SYNE2: variants seen among roughly 807,000 people sequenced by gnomAD.
SYNE2 encodes the protein nesprin-2.
SYNE2 carries 431 observed loss-of-function variants against 856.3 expected under a neutral mutation model. The observed-to-expected ratio is 0.50, with a 90% confidence interval of 0.47 to 0.55. The LOEUF (loss-of-function observed/expected upper bound fraction) is 0.55. SYNE2 is among the 20% of genes least tolerant of loss of function. SYNE2 has a pLI of 0.00. For missense variants in SYNE2, 8,129 were observed against 8,023.2 expected (o/e 1.01, Z -0.50); for synonymous variants, 2,923 against 2,872.3 (o/e 1.02, Z -0.56).
chr14:63,858,229 C>G (rs867538616), intron 1 of SYNE2, among the ~76,000 whole-genome samples: 25 of 142,910 alleles, frequency 1.7e-4, no homozygotes, highest in Middle Eastern at 4.0e-3. Flanking sequence ...GATTGTGGTA[C>G]CTGGGATTAC....
At chr14:64,045,839 A>G (rs1010303174) in intron 45 of SYNE2, among the ~76,000 whole-genome samples, 2 of 152,222 alleles carry the variant, frequency 1.3e-5, no homozygotes, top group African/African-American at 4.8e-5. Context: ...ATGAACTTTT[A>G]ATTTTAGAAT....
chr14:64,208,676 G>A (rs750279447), intron 100 of SYNE2, 82 bp from the exon 101 acceptor site: 4 of 1,443,794 alleles, frequency 2.8e-6, no homozygotes, highest in South Asian at 1.2e-5. Context: ...GGAGAAGGGA[G>A]GGAGGAACGG....
At chr14:64,184,348 G>A (rs924420711) in intron 96 of SYNE2, among the ~76,000 whole-genome samples, 12 of 151,828 alleles carry the variant, frequency 7.9e-5, no homozygotes, top group Admixed American at 4.6e-4. Context: ...GTGTGTGTGT[G>A]TGTGTGTGTG....
Position 64,081,685 on chromosome 14 carries a change from T to C in SYNE2, c.11484+105T>C. 7.7e-6 allele frequency: 10 copies of C among 1,303,636 alleles called. 1 individual carries two copies. In the South Asian group the frequency reaches 1.2e-4, roughly 16 times the overall value. The allele number at this position is 1,303,636 out of a possible 1,614,324, so 80.8% of individuals were successfully genotyped here. On this transcript the variant is annotated intron_variant, in intron 57 of 115. Transcript: ENST00000555002. The stretch of plus-strand genomic sequence containing the variant: ...TTTCCTCCTTTCCTGAAATACAACC[T>C]TACCGCTAACCATGTCAGTGGCAGA...
chr14:63,976,656 G>A lies in SYNE2; in HGVS notation c.1222G>A (p.Glu408Lys). ...WLQEVEELMDEDLSASQDHSQ... is the reference protein window; with the variant it reads ...WLQEVEELMDKDLSASQDHSQ... Reference sequence around the variant, plus strand: ...CCAGGAGGTAGAAGAGCTTATGGATGAAGATTTGTCAGCCTCCCAGGATCA... The same window carrying A: ...CCAGGAGGTAGAAGAGCTTATGGATAAAGATTTGTCAGCCTCCCAGGATCA... The change falls in exon 12 of 116, where the codon GAA (glutamate) becomes AAA (lysine). Residue 408 changes from glutamate (E) to lysine (K), a missense_variant. Around this residue, in one of 3 missense-constraint regions of SYNE2, gnomAD observed 2,422 missense variants for 2,357.4 expected, o/e 1.03. Coordinates refer to ENST00000555002, the MANE Select transcript of SYNE2 (RefSeq NM_182914.3). The A allele has an allele frequency of 6.2e-7, 1 of 1,610,836 alleles. No homozygotes were observed. The highest frequency in any genetic ancestry group is 8.5e-7 in the Non-Finnish European group (1 of 1,179,616).
At chr14:64,093,216 G>A (rs1187201397) in intron 60 of SYNE2, 133 bp from the exon 61 acceptor site, 18 of 997,158 alleles carry the variant, frequency 1.8e-5, no homozygotes, top group South Asian at 8.9e-5. Context: ...AGGCTACCAC[G>A]TCCTATTGAA....
intron 22 of SYNE2, 124 bp downstream of exon 22, chr14:63,994,093 G>C: frequency 1.0e-6 from 1 of 956,526 alleles, no homozygotes; most frequent in Non-Finnish European, 1.6e-6. Flanking sequence ...GGTCCCTGCA[G>C]GCTGAAGTCC....
At chr14:64,184,329 G>GGTGTGTGTGT (rs767980383) in intron 96 of SYNE2, among the ~76,000 whole-genome samples, 21,169 of 144,038 alleles carry the variant, frequency 0.15, 1,555 homozygotes, top group Non-Finnish European at 0.16. Flanking sequence ...TATGCATAGG[G>GGTGTGTGTGT]GTGTGTGTGT....
intron 14 of SYNE2, among the ~76,000 whole-genome samples, chr14:63,979,774 C>T (rs976987830): frequency 1.3e-5 from 2 of 152,176 alleles, no homozygotes; most frequent in Non-Finnish European, 2.9e-5. Flanking sequence ...GTTGTAGGCA[C>T]CTGTAATACC....
chr14:64,208,249 G>T, intron 100 of SYNE2: 1 of 438,782 alleles, frequency 2.3e-6, no homozygotes, highest in South Asian at 1.6e-5. Flanking sequence ...GGGCTCACGG[G>T]GAAGCTGTGG....
At chr14:63,859,529 T>G (rs1892917340) in intron 1 of SYNE2, among the ~76,000 whole-genome samples, 1 of 152,028 alleles carries the variant, frequency 6.6e-6, no homozygotes, top group Admixed American at 6.5e-5. Context: ...AAAAATACTT[T>G]TAAAATTGGC....
chr14:64,152,579 C>G lies in SYNE2; in HGVS notation c.15655C>G (p.Leu5219Val). ...LLDCQDIENQLAIKSKALDEL... is the reference protein window; with the variant it reads ...LLDCQDIENQVAIKSKALDEL... ...ACTCTTCCAGGATATAGAAAATCAA[C>G]TTGCAATTAAATCCAAAGCACTAGA... The change falls in exon 85 of 116, where the codon CTT becomes GTT. Residue 5219 changes from leucine to valine, a missense_variant. Physicochemically the swap from Leu to Val is conservative, Grantham distance 32 (BLOSUM62 1). Transcript: ENST00000555002. The G allele has an allele frequency of 1.2e-6, 2 of 1,613,980 alleles. No homozygotes were observed. Among genetic ancestry groups the G allele is most frequent in the South Asian group, 2.2e-5 (2 of 91,078 alleles).
chr14:63,776,489 A>C (rs536226452), intron 1 of SYNE2, among the ~76,000 whole-genome samples: 1 of 152,274 alleles, frequency 6.6e-6, no homozygotes, highest in African/African-American at 2.4e-5. Flanking sequence ...GGATGAATTC[A>C]AATAGAAAGA....
intron 100 of SYNE2, among the ~76,000 whole-genome samples, chr14:64,205,669 A>G (rs577524398): frequency 2.0e-5 from 3 of 152,340 alleles, no homozygotes; most frequent in Non-Finnish European, 4.4e-5. Context: ...TTTCTTATAT[A>G]GAACACCTTT....
rs35489245 is a variant in SYNE2 at position 64,100,514 on chromosome 14, C to CAAAAAAA, written c.12382-1406_12382-1400dup. On this transcript the variant is annotated intron_variant, in intron 63 of 115. Transcript: ENST00000555002. The stretch of plus-strand genomic sequence containing the variant: ...CTGGGTGACAAGAGCAAAACTGTCT[C>CAAAAAAA]AAAAAAAAAAAAAAAAAATATATAT... 8.4e-4 allele frequency among the ~76,000 whole-genome samples: 20 copies of CAAAAAAA among 23,762 alleles called. 1 individual carries two copies. The highest frequency in any genetic ancestry group is 8.0e-3 in the East Asian group (7 of 872). The allele number at this position is 23,762 out of a possible 152,430, so 15.6% of individuals were successfully genotyped here. A position where few individuals can be genotyped will look rare whatever the true frequency, so the allele number is the denominator to read the frequency against.
At position 64,017,582 on chromosome 14, in the gene SYNE2, T is replaced by C; in HGVS notation, c.4888-13T>C. The C allele has an allele frequency of 6.2e-7, 1 of 1,604,984 alleles. No individual in the cohort carries two copies. The highest frequency in any genetic ancestry group is 8.5e-7 in the Non-Finnish European group (1 of 1,173,156). On this transcript the variant is annotated splice_polypyrimidine_tract_variant and intron_variant, in intron 33 of 115. Transcript: ENST00000555002. ...CTGCTACATATGTTGTTTCTCTTTT[T>C]AAATTATGGTAGATAAATGAGAAGA...
At chr14:64,044,820 G>T (rs906712656) in intron 45 of SYNE2, among the ~76,000 whole-genome samples, 1 of 152,142 alleles carries the variant, frequency 6.6e-6, no homozygotes, top group Non-Finnish European at 1.5e-5. Context: ...CGCCATGATT[G>T]TGAGGCTTCC....
upstream of SYNE2, among the ~76,000 whole-genome samples, chr14:63,852,124 A>C (rs924340368): frequency 1.1e-4 from 17 of 151,932 alleles, no homozygotes; most frequent in African/African-American, 4.1e-4. Flanking sequence ...ACCCTGTCTA[A>C]AAAATGAAAA....
intron 1 of SYNE2, among the ~76,000 whole-genome samples, chr14:63,779,439 CAA>C (rs35015201): frequency 8.5e-5 from 10 of 118,260 alleles, no homozygotes; most frequent in African/African-American, 2.1e-4. Flanking sequence ...TGACTGGTCT[CAA>C]AAAAAAAAAA....
Sources: allele counts gnomAD v4.1 joint callset (sites outside exome capture counted in the v4.1 genomes callset), GRCh38; gene constraint gnomAD v4.1.1; regional missense constraint gnomAD v4.1.1; transcripts MANE v1.5; gene names NCBI Gene and HGNC (gene_info 2026-07-23, HGNC 2026-07-21).